ITPK1: variants seen among roughly 807,000 people sequenced by gnomAD.
The protein encoded by ITPK1 is inositol-tetrakisphosphate 1-kinase.
In ITPK1, 21 loss-of-function variants were observed where a neutral mutation model predicts 45.3. That is an observed-to-expected ratio of 0.46 (90% confidence interval 0.33 to 0.67). The LOEUF (loss-of-function observed/expected upper bound fraction) is 0.67. ITPK1 is among the 30% of genes least tolerant of loss of function. The pLI is 0.02. For missense variants in ITPK1, 474 were observed against 573.5 expected, an observed-to-expected ratio of 0.83 and a Z score of 1.77; for synonymous variants, 258 against 253.6, an observed-to-expected ratio of 1.02 and a Z score of -0.16.
At chr14:92,997,142 C>A (rs372316278) in intron 4 of ITPK1, among the ~76,000 whole-genome samples, 2 of 152,192 alleles carry the variant, frequency 1.3e-5, no homozygotes, top group South Asian at 4.1e-4. Flanking sequence ...GGCCAACAGC[C>A]GAGCACGTGG....
At chr14:93,018,424 A>G (rs1888300173) in intron 3 of ITPK1, among the ~76,000 whole-genome samples, 1 of 149,098 alleles carries the variant, frequency 6.7e-6, no homozygotes, top group South Asian at 2.1e-4. Flanking sequence ...CCCTTACTAA[A>G]CTCCTCTCCG....
intron 3 of ITPK1, among the ~76,000 whole-genome samples, chr14:93,050,972 A>C (rs926296100): frequency 7.9e-5 from 12 of 152,118 alleles, no homozygotes; most frequent in African/African-American, 2.9e-4. Flanking sequence ...TCTTCCCACT[A>C]AACTGGAAGC....
chr14:93,016,879 G>A lies in ITPK1; in HGVS notation c.121-78C>T, dbSNP rs1888210286. The A allele has an allele frequency of 6.3e-7, 1 of 1,576,388 alleles. No individual in the cohort carries two copies. The highest frequency in any genetic ancestry group is 8.6e-7 in the Non-Finnish European group (1 of 1,159,844). On this transcript the variant is annotated intron_variant, in intron 3 of 10. Transcript: ENST00000267615. This position sits in a 1 kb window ranked among gnomAD's most constrained non-coding sequence, Gnocchi z 5.0. ...TGCCCCCATCCTCTTGTCCACCCTG[G>A]GGCATATCACCAGAGGACCCTCGAG...
intron 10 of ITPK1, among the ~76,000 whole-genome samples, chr14:92,944,331 G>A (rs1240766558): frequency 6.6e-6 from 1 of 151,970 alleles, no homozygotes; most frequent in African/African-American, 2.4e-5. Flanking sequence ...CAGAGCCCTG[G>A]GCCTCTCCTC....
chr14:93,090,589 A>C (rs1891830212), intron 2 of ITPK1, among the ~76,000 whole-genome samples: 1 of 151,992 alleles, frequency 6.6e-6, no homozygotes, highest in African/African-American at 2.4e-5. Flanking sequence ...GAGAGGAATG[A>C]GCCCCATTTG....
intron 3 of ITPK1, among the ~76,000 whole-genome samples, chr14:93,035,254 G>C (rs1158934099): frequency 1.3e-5 from 2 of 152,244 alleles, no homozygotes; most frequent in African/African-American, 4.8e-5. Flanking sequence ...ATGGCCTCAA[G>C]GGCAGACATG....
chr14:92,991,978 C>G (rs1886812430), intron 5 of ITPK1, among the ~76,000 whole-genome samples: 1 of 152,180 alleles, frequency 6.6e-6, no homozygotes, highest in Admixed American at 6.5e-5. Context: ...CAGGTATCAC[C>G]CATATCTTCC....
chr14:93,115,197 G>A lies in ITPK1; in HGVS notation c.-34C>T. The A allele has an allele frequency of 6.6e-7, 1 of 1,505,316 alleles. No homozygotes were observed. Among genetic ancestry groups the A allele is most frequent in the African/African-American group, 1.4e-5 (1 of 71,354 alleles). The allele number at this position is 1,505,316 out of a possible 1,614,324, so 93.2% of individuals were successfully genotyped here. The stretch of plus-strand genomic sequence containing the variant: ...TCGGGCGGGGAGCCTGGGTCCGGAG[G>A]AAATCGCCCACAGGCCGAGTCTGGC... On this transcript the variant is annotated 5_prime_UTR_variant, in exon 2 of 11. Coordinates refer to ENST00000267615, the MANE Select transcript of ITPK1 (RefSeq NM_014216.6).
At chr14:93,011,140 A>T (rs1363360535) in intron 4 of ITPK1, among the ~76,000 whole-genome samples, 1 of 152,246 alleles carries the variant, frequency 6.6e-6, no homozygotes, top group African/African-American at 2.4e-5. Flanking sequence ...GAGATGGATG[A>T]GTCCGTGTCA....
chr14:93,057,956 G>T (rs1008247381), intron 3 of ITPK1, among the ~76,000 whole-genome samples: 1 of 152,184 alleles, frequency 6.6e-6, no homozygotes, highest in Non-Finnish European at 1.5e-5. Flanking sequence ...TCAGCTCGGC[G>T]AGAGCCCTCC....
chr14:93,091,267 C>T (rs763947374), intron 2 of ITPK1, among the ~76,000 whole-genome samples: 45 of 152,238 alleles, frequency 3.0e-4, no homozygotes, highest in Non-Finnish European at 5.6e-4. Context: ...GTTTTCCCGT[C>T]AGTACAGAAT....
At position 92,993,974 on chromosome 14, in the gene ITPK1, C is replaced by G. The variant is rs772277656; in HGVS notation, c.270G>C (p.Glu90Asp). 5.0e-6 allele frequency: 8 copies of G among 1,613,712 alleles called. No homozygotes were observed. In the South Asian group the frequency reaches 8.8e-5, roughly 18 times the overall value. Residue 90 changes from glutamate (E) to aspartate (D), a missense_variant, in exon 5 of 11, where the codon GAG (glutamate) becomes GAC (aspartate). Physicochemically the swap from Glu to Asp is conservative, Grantham distance 45 (BLOSUM62 2). Coordinates refer to ENST00000267615, the MANE Select transcript of ITPK1 (RefSeq NM_014216.6). Reference sequence around the variant, plus strand: ...CAGGGAGCGGGTCCAGGACGATGGTCTCAGGGTGGGCATCGATGTACTCCT... The same window carrying G: ...CAGGGAGCGGGTCCAGGACGATGGTGTCAGGGTGGGCATCGATGTACTCCT... Reference protein sequence around the residue: ...RFQEYIDAHPETIVLDPLPAI... With the variant: ...RFQEYIDAHPDTIVLDPLPAI...
At position 93,102,124 on chromosome 14, in the gene ITPK1, A is replaced by G. The variant is rs903629309; in HGVS notation, c.95+12945T>C. ...CTACAGGCACCTCGTCAGCTCCCCCAAAAGAACGAGGCACATTCCTCACCA... is the reference window on the plus strand; with the variant it reads ...CTACAGGCACCTCGTCAGCTCCCCCGAAAGAACGAGGCACATTCCTCACCA... On this transcript the variant is annotated intron_variant, in intron 2 of 10. Coordinates refer to ENST00000267615, the MANE Select transcript of ITPK1 (RefSeq NM_014216.6). Among the ~76,000 whole-genome samples, 15 of 152,346 alleles carry G rather than the reference A, an allele frequency of 9.8e-5. 1 individual carries two copies. Among genetic ancestry groups the G allele is most frequent in the African/African-American group, 2.9e-4 (12 of 41,578 alleles).
chr14:92,998,458 G>C (rs145575052), intron 4 of ITPK1, among the ~76,000 whole-genome samples: 1 of 152,176 alleles, frequency 6.6e-6, no homozygotes, highest in Non-Finnish European at 1.5e-5. Context: ...CAAGGGATTC[G>C]TTTTTCAGAG....
chr14:92,952,424 C>T (rs559185143), intron 8 of ITPK1, among the ~76,000 whole-genome samples: 55 of 152,308 alleles, frequency 3.6e-4, no homozygotes, highest in Non-Finnish European at 6.8e-4. Flanking sequence ...TAGGCCAGTG[C>T]TCCCAGCCCA....
At chr14:92,995,693 G>A (rs576904943) in intron 4 of ITPK1, among the ~76,000 whole-genome samples, 13 of 152,306 alleles carry the variant, frequency 8.5e-5, no homozygotes, top group African/African-American at 2.9e-4. Context: ...TAGATGCGGG[G>A]CAGAACCCTC....
At chr14:93,106,212 A>G (rs1335957358) in intron 2 of ITPK1, among the ~76,000 whole-genome samples, 3 of 147,090 alleles carry the variant, frequency 2.0e-5, no homozygotes, top group Non-Finnish European at 4.5e-5. Context: ...GCTCATTTCC[A>G]GAACACAAAG....
chr14:92,949,361 A>T (rs777409971), intron 9 of ITPK1, among the ~76,000 whole-genome samples: 1 of 152,114 alleles, frequency 6.6e-6, no homozygotes, highest in Non-Finnish European at 1.5e-5. Flanking sequence ...TGGCCTCCCA[A>T]AGTGTTGGGA....
chr14:93,057,975 C>T (rs1319941936), intron 3 of ITPK1, among the ~76,000 whole-genome samples: 1 of 152,218 alleles, frequency 6.6e-6, no homozygotes, highest in African/African-American at 2.4e-5. Flanking sequence ...CCCCAGCTCC[C>T]TGGCCCGATC....
Sources: gnomAD v4.1 joint callset for allele counts (sites outside exome capture counted in the v4.1 genomes callset) on GRCh38, gnomAD v4.1.1 for gene constraint, Gnocchi (gnomAD v3.1) non-coding constraint, MANE v1.5 for transcripts, NCBI Gene and HGNC (gene_info 2026-07-23, HGNC 2026-07-21) for gene names.